The following GTF3A variants were observed in gnomAD, a reference collection of about 807,000 sequenced individuals.
The protein encoded by GTF3A is transcription factor IIIA.
A neutral mutation model predicts 37.6 loss-of-function variants in GTF3A; 40 were observed. The observed-to-expected ratio is 1.06, with a 90% CI of 0.83 to 1.38. The LOEUF (loss-of-function observed/expected upper bound fraction) is 1.38. Ranked by LOEUF, GTF3A falls within the 40% of genes most tolerant of loss-of-function variation. GTF3A has a pLI of 0.00. For synonymous variants in GTF3A, 191 were observed against 166.7 expected, an observed-to-expected ratio of 1.15 and a Z score of -1.12; for missense variants, 500 against 462.6, an observed-to-expected ratio of 1.08 and a Z score of -0.74.
chr13:27,424,656 C>A lies in GTF3A; in HGVS notation c.-82C>A, dbSNP rs903712577. On this transcript the variant is annotated 5_prime_UTR_variant, in exon 1 of 9. Coordinates refer to ENST00000381140, the MANE Select transcript of GTF3A (RefSeq NM_002097.3). ...GTCGCGCGAAGGTTCAGCAGGGAGC[C>A]GTGGGCCGGGCGCGCCGGTTCCCGG... 2 of 1,053,554 alleles carry A rather than the reference C, an allele frequency of 1.9e-6. No homozygotes were observed. Among genetic ancestry groups the A allele is most frequent in the Admixed American group, 4.2e-5 (1 of 23,648 alleles). 65.3% of individuals were successfully genotyped at this position (1,053,554 alleles called of 1,614,324 possible). A position where few individuals can be genotyped will look rare whatever the true frequency, so the allele number is the denominator to read the frequency against.
intron 3 of GTF3A, 49 bp from the exon 4 acceptor site, chr13:27,430,480 GTTCA>G (rs1012592255): frequency 4.5e-6 from 5 of 1,106,302 alleles, no homozygotes; most frequent in Non-Finnish European, 6.8e-6. Context: ...GTTACGAACT[GTTCA>G]TTTTGTTTTG....
At position 27,435,714 on chromosome 13, in the gene GTF3A, G is replaced by A. The variant is rs7669; in HGVS notation, c.*117G>A. 272,743 of 1,613,172 alleles carry A rather than the reference G, an allele frequency of 0.17. 24,505 individuals carry two copies. Among genetic ancestry groups the A allele is most frequent in the Non-Finnish European group, 0.18 (216,001 of 1,179,300 alleles). The stretch of plus-strand genomic sequence containing the variant: ...CATTTGATTCCTTATCATTTCCATG[G>A]TCTTTGTTCAAAGTGTCTCTTTCCT... On this transcript the variant is annotated 3_prime_UTR_variant, in exon 9 of 9. Transcript: ENST00000381140.
chr13:27,430,218 C>T (rs1167623465), intron 3 of GTF3A, among the ~76,000 whole-genome samples: 1 of 151,932 alleles, frequency 6.6e-6, no homozygotes, highest in Non-Finnish European at 1.5e-5. Flanking sequence ...ATAAAGTTTT[C>T]GTCAACCAAA....
At chr13:27,432,942 C>G (rs960602801) in intron 5 of GTF3A, 138 bp downstream of exon 5, 13 of 688,682 alleles carry the variant, frequency 1.9e-5, no homozygotes, top group African/African-American at 3.6e-5. Context: ...GTCTTACACT[C>G]TTGTCCAAAG....
chr13:27,429,934 C>T lies in GTF3A; in HGVS notation c.367C>T (p.Arg123Cys), dbSNP rs930496484. Residue 123 changes from arginine to cysteine, a missense_variant, in exon 3 of 9, where the codon CGC becomes TGC. Arg to Cys is a radical substitution (Grantham distance 180). Transcript: ENST00000381140. Reference sequence around the variant, plus strand: ...ATCAAACTTGAAGAAACATTTTGAACGCAAACATGAAAATCAACAAAAACA... The same window carrying T: ...ATCAAACTTGAAGAAACATTTTGAATGCAAACATGAAAATCAACAAAAACA... The T allele has an allele frequency of 2.5e-5, 39 of 1,534,140 alleles. No individual in the cohort carries two copies. Among genetic ancestry groups the T allele is most frequent in the South Asian group, 1.5e-4 (12 of 80,654 alleles).
chr13:27,434,825 T>C lies in GTF3A; in HGVS notation c.664T>C (p.Cys222Arg), dbSNP rs1166331096. The change falls in exon 7 of 9, where the codon TGC becomes CGC. Residue 222 changes from cysteine (C) to arginine (R), a missense_variant. Transcript: ENST00000381140. ...ACCAGAGGAAATACTATGTGAAGTA[T>C]GCCGGAAAACATTTAAACGCAAAGA... The C allele has an allele frequency of 9.3e-6, 15 of 1,610,584 alleles. No individual in the cohort carries two copies. Among genetic ancestry groups the C allele is most frequent in the Non-Finnish European group, 1.1e-5 (13 of 1,177,184 alleles).
chr13:27,424,664 G>C lies in GTF3A; in HGVS notation c.-74G>C, dbSNP rs1052142209. On this transcript the variant is annotated 5_prime_UTR_variant, in exon 1 of 9. Coordinates refer to ENST00000381140, the MANE Select transcript of GTF3A (RefSeq NM_002097.3). ...AAGGTTCAGCAGGGAGCCGTGGGCCGGGCGCGCCGGTTCCCGGCACGTGTC... is the reference window on the plus strand; with the variant it reads ...AAGGTTCAGCAGGGAGCCGTGGGCCCGGCGCGCCGGTTCCCGGCACGTGTC... The C allele has an allele frequency of 4.4e-6, 5 of 1,134,732 alleles. No homozygotes were observed. The highest frequency in any genetic ancestry group is 5.8e-6 in the Non-Finnish European group (5 of 864,206). The allele number at this position is 1,134,732 out of a possible 1,614,324, so 70.3% of individuals were successfully genotyped here.
chr13:27,435,315 T>C, intron 8 of GTF3A, 118 bp from the exon 9 acceptor site: 1 of 1,281,188 alleles, frequency 7.8e-7, no homozygotes, highest in Middle Eastern at 2.3e-4. Context: ...GTTGAAGACT[T>C]TACTTCCTCA....
Position 27,435,579 on chromosome 13 carries a change from A to G in GTF3A, c.1080A>G (p.Ala360=). Residue 360 remains alanine, a synonymous_variant, in exon 9 of 9, where the codon GCA becomes GCG. Transcript: ENST00000381140. ...AAGACAAGATGCTCTCGACAGTTGC[A>G]GTACTTACCCTTGGCTAAGAACTGC... The G allele has an allele frequency of 6.2e-7, 1 of 1,613,746 alleles. No individual in the cohort carries two copies. The highest frequency in any genetic ancestry group is 8.5e-7 in the Non-Finnish European group (1 of 1,179,708).
rs149838762 is a variant in GTF3A at position 27,432,678 on chromosome 13, C to T, written c.489-53C>T. 730 of 1,430,478 alleles carry T rather than the reference C, an allele frequency of 5.1e-4. 4 individuals are homozygous for T. The African/African-American group carries it at 9.0e-3, about 18-fold the overall frequency. 88.6% of individuals were successfully genotyped at this position (1,430,478 alleles called of 1,614,324 possible). A position where few individuals can be genotyped will look rare whatever the true frequency, so the allele number is the denominator to read the frequency against. ...AGGACAAAGTGCCATTGACCTTGAG[C>T]GGAGTTCTCTGTGAAAATGGATTGG... On this transcript the variant is annotated intron_variant, in intron 4 of 8. Transcript: ENST00000381140.
chr13:27,433,525 AAC>A (rs1491165408), intron 5 of GTF3A, among the ~76,000 whole-genome samples: 8 of 45,290 alleles, frequency 1.8e-4, no homozygotes, highest in South Asian at 1.7e-3. Context: ...AAAAAAAAAA[AAC>A]AAAAAAAAAC....
intron 3 of GTF3A, 97 bp from the exon 4 acceptor site, chr13:27,430,436 A>C: frequency 1.4e-6 from 1 of 699,036 alleles, no homozygotes; most frequent in Non-Finnish European, 2.4e-6. Flanking sequence ...GAAATTTTAT[A>C]CAGTCTCCAA....
At chr13:27,431,176 C>T (rs1305202167) in intron 4 of GTF3A, among the ~76,000 whole-genome samples, 1 of 151,872 alleles carries the variant, frequency 6.6e-6, no homozygotes, top group Non-Finnish European at 1.5e-5. Flanking sequence ...TGTTGAAGAT[C>T]GGGTGGCTGT....
At chr13:27,432,906 C>T (rs1034605452) in intron 5 of GTF3A, 102 bp downstream of exon 5, 2 of 898,160 alleles carry the variant, frequency 2.2e-6, no homozygotes, top group African/African-American at 1.7e-5. Flanking sequence ...ACCCTGTGAA[C>T]AGGGGACACC....
At chr13:27,434,628 G>C (rs368871622) in intron 6 of GTF3A, 177 bp from the exon 7 acceptor site, 5 of 583,292 alleles carry the variant, frequency 8.6e-6, no homozygotes, top group Middle Eastern at 4.5e-4. Context: ...AAGAACTTCA[G>C]AGAATTGAGA....
At chr13:27,425,775 T>G (rs1439693248) in intron 1 of GTF3A, 1 of 152,234 alleles carries the variant, frequency 6.6e-6, no homozygotes, top group East Asian at 1.9e-4. Flanking sequence ...GGCTTCACAC[T>G]GCCTCAGCTT....
chr13:27,430,893 A>C (rs1351395983), intron 4 of GTF3A, among the ~76,000 whole-genome samples: 1 of 151,996 alleles, frequency 6.6e-6, no homozygotes, highest in African/African-American at 2.4e-5. Flanking sequence ...TCTGCTGATT[A>C]TTTCTTTTGC....
intron 5 of GTF3A, 81 bp from the exon 6 acceptor site, chr13:27,434,058 G>A (rs1383226560): frequency 4.2e-6 from 3 of 722,450 alleles, no homozygotes; most frequent in Non-Finnish European, 7.7e-6. Flanking sequence ...AAATTATATA[G>A]GCACCTAAGT....
Position 27,435,044 on chromosome 13 carries a change from C to A in GTF3A, c.873+10C>A. On this transcript the variant is annotated intron_variant, in intron 7 of 8. Coordinates refer to ENST00000381140, the MANE Select transcript of GTF3A (RefSeq NM_002097.3). ...AACATTTGCAATGAAAGTAAGCACT[C>A]ACCCTCATACTCATGGTCCTATAGT... The A allele has an allele frequency of 6.5e-7, 1 of 1,541,690 alleles. No individual in the cohort carries two copies. Among genetic ancestry groups the A allele is most frequent in the Non-Finnish European group, 9.0e-7 (1 of 1,113,930 alleles).
Sources: gnomAD v4.1 joint callset for allele counts (sites outside exome capture counted in the v4.1 genomes callset) on GRCh38, gnomAD v4.1.1 for gene constraint, MANE v1.5 for transcripts, NCBI Gene and HGNC (gene_info 2026-07-23, HGNC 2026-07-21) for gene names.